Variants in SLC9B1 observed in about 807,000 individuals in gnomAD.
SLC9B1 encodes solute carrier family 9 member B1, also known as sodium/hydrogen exchanger 9B1.
In SLC9B1, 32 loss-of-function variants were observed where a neutral mutation model predicts 51.7. The observed-to-expected ratio is 0.62, with a 90% CI of 0.47 to 0.83. The LOEUF (loss-of-function observed/expected upper bound fraction) is 0.83, where lower values mean the gene tolerates loss of function less well. SLC9B1 is among the 40% of genes least tolerant of loss of function. The pLI, the probability that SLC9B1 is intolerant of heterozygous loss-of-function variation, is 0.00. For missense variants in SLC9B1, 406 were observed against 613.2 expected (o/e 0.66, Z 3.57); for synonymous variants, 145 against 212.7 (o/e 0.68, Z 2.77).
chr4:102,999,212 C>T (rs1177603337), intron 1 of SLC9B1, among the ~76,000 whole-genome samples: 2 of 152,112 alleles, frequency 1.3e-5, no homozygotes, highest in Non-Finnish European at 2.9e-5. Context: ...GTATTAATAT[C>T]TTATTAGTAA....
intron 11 of SLC9B1, among the ~76,000 whole-genome samples, chr4:102,903,265 G>C (rs1734870685): frequency 6.6e-6 from 1 of 152,166 alleles, no homozygotes; most frequent in Non-Finnish European, 1.5e-5. Flanking sequence ...AGAGAGAACA[G>C]ATACTCCTTT....
chr4:103,008,797 CTTTTTTTTTTTTT>C (rs34403441), intron 1 of SLC9B1, among the ~76,000 whole-genome samples: 13 of 99,460 alleles, frequency 1.3e-4, no homozygotes. Flanking sequence ...TTAACAGTTT[CTTTTTTTTTTTTT>C]TTTTTTTGAG....
At chr4:102,947,414 T>C (rs1456273856) in intron 4 of SLC9B1, among the ~76,000 whole-genome samples, 5 of 152,218 alleles carry the variant, frequency 3.3e-5, no homozygotes. Flanking sequence ...CTCATTCTGT[T>C]GTCCAAGGTG....
chr4:102,974,033 C>G (rs1738901605), intron 3 of SLC9B1, among the ~76,000 whole-genome samples: 2 of 151,754 alleles, frequency 1.3e-5, no homozygotes, highest in African/African-American at 4.8e-5. Flanking sequence ...GTCGGGAGTT[C>G]AAGACCAGCT....
At chr4:102,956,393 C>A (rs1737816929) in intron 3 of SLC9B1, among the ~76,000 whole-genome samples, 1 of 151,018 alleles carries the variant, frequency 6.6e-6, no homozygotes, top group Non-Finnish European at 1.5e-5. Context: ...ACATATATGG[C>A]CGATTGGAAA....
chr4:102,998,650 C>T (rs1183931902), intron 1 of SLC9B1, among the ~76,000 whole-genome samples: 10 of 150,164 alleles, frequency 6.7e-5, no homozygotes, highest in African/African-American at 2.0e-4. Context: ...TTGACATCAA[C>T]GATGCACAAT....
intron 7 of SLC9B1, chr4:102,912,037 G>A: frequency 4.9e-6 from 1 of 204,620 alleles, no homozygotes. Flanking sequence ...GGAGGCTGAG[G>A]GAGGAGAATC....
chr4:103,017,397 C>T (rs1741430645), intron 1 of SLC9B1, among the ~76,000 whole-genome samples: 1 of 152,220 alleles, frequency 6.6e-6, no homozygotes. Context: ...TCTCTTTACA[C>T]TTTAAATAAA....
chr4:102,932,085 T>A, intron 7 of SLC9B1, 39 bp downstream of exon 7: 1 of 1,595,936 alleles, frequency 6.3e-7, no homozygotes, highest in East Asian at 2.2e-5. Flanking sequence ...ACAAAAAAGG[T>A]CATGAATGAT....
In SLC9B1 at chr4:102,955,897, GAAAGAGA is replaced by G. The variant is rs1737784137; in HGVS notation, c.212-6477_212-6471del. On this transcript the variant is annotated intron_variant, in intron 3 of 11. Coordinates refer to ENST00000296422, the MANE Select transcript of SLC9B1 (RefSeq NM_139173.4). ...AGAAAGAAAGAAAGAAAGAAAGAAAGAAAGAGAGAGAAAGACCCACATGCAAGGCTAG... is the reference window on the plus strand; with the variant it reads ...AGAAAGAAAGAAAGAAAGAAAGAAAGGAGAAAGACCCACATGCAAGGCTAG... Among the ~76,000 whole-genome samples, 2 of 102,754 alleles carry G rather than the reference GAAAGAGA, an allele frequency of 1.9e-5. 1 individual carries two copies. The highest frequency in any genetic ancestry group is 1.1e-4 in the African/African-American group (2 of 18,998). The allele number at this position is 102,754 out of a possible 152,430, so 67.4% of individuals were successfully genotyped here.
At chr4:102,967,526 G>A (rs1450114906) in intron 3 of SLC9B1, among the ~76,000 whole-genome samples, 3 of 152,114 alleles carry the variant, frequency 2.0e-5, no homozygotes, top group Non-Finnish European at 2.9e-5. Context: ...ATCACAATAT[G>A]GTAGAACAAG....
chr4:102,994,614 T>A (rs1385273308), intron 1 of SLC9B1, among the ~76,000 whole-genome samples: 1 of 152,130 alleles, frequency 6.6e-6, no homozygotes, highest in East Asian at 1.9e-4. Flanking sequence ...TTAGTCCTTT[T>A]TCACGCTACT....
At chr4:102,913,521 T>C (rs1391205259) in intron 7 of SLC9B1, among the ~76,000 whole-genome samples, 1 of 151,834 alleles carries the variant, frequency 6.6e-6, no homozygotes, top group African/African-American at 2.4e-5. Flanking sequence ...GCAGTGGCAG[T>C]TTTTTCAAAC....
intron 3 of SLC9B1, among the ~76,000 whole-genome samples, chr4:102,951,792 A>T (rs1737570889): frequency 6.6e-6 from 1 of 151,854 alleles, no homozygotes; most frequent in African/African-American, 2.4e-5. Context: ...AAGAATGAAG[A>T]AGATATAATA....
intron 3 of SLC9B1, among the ~76,000 whole-genome samples, chr4:102,975,795 C>G (rs1490688924): frequency 1.3e-5 from 2 of 151,088 alleles, no homozygotes; most frequent in African/African-American, 2.4e-5. Context: ...TTTGAACTCC[C>G]AACCTCAGGT....
chr4:102,951,561 T>C (rs577471332), intron 3 of SLC9B1, among the ~76,000 whole-genome samples: 41 of 151,602 alleles, frequency 2.7e-4, no homozygotes, highest in Admixed American at 2.4e-3. Context: ...ATAGAACATC[T>C]AGAAAAAACT....
intron 7 of SLC9B1, among the ~76,000 whole-genome samples, chr4:102,926,551 G>A (rs1430678874): frequency 6.6e-6 from 1 of 152,158 alleles, no homozygotes; most frequent in Non-Finnish European, 1.5e-5. Flanking sequence ...GGTTGTGAAG[G>A]ACCTCTTCAA....
intron 7 of SLC9B1, among the ~76,000 whole-genome samples, chr4:102,921,099 A>C (rs1735851020): frequency 1.3e-5 from 2 of 152,130 alleles, no homozygotes; most frequent in African/African-American, 4.8e-5. Context: ...AATTCCAAGA[A>C]ACATACTTAT....
chr4:103,009,367 T>C (rs1740973999), intron 1 of SLC9B1, among the ~76,000 whole-genome samples: 1 of 152,236 alleles, frequency 6.6e-6, no homozygotes, highest in Non-Finnish European at 1.5e-5. Context: ...GGCCAACTTG[T>C]ACTCTTCTAA....
Sources: allele counts gnomAD v4.1 joint callset (sites outside exome capture counted in the v4.1 genomes callset), GRCh38; gene constraint gnomAD v4.1.1; transcripts MANE v1.5; gene names NCBI Gene and HGNC (gene_info 2026-07-23, HGNC 2026-07-21).